The following CSGALNACT1 variants were observed in gnomAD, a reference collection of about 807,000 sequenced individuals.
The protein encoded by CSGALNACT1 is chondroitin sulfate N-acetylgalactosaminyltransferase 1, also known as beta4GalNAcT-1.
In CSGALNACT1, 52 loss-of-function variants were observed where a neutral mutation model predicts 51.0. The observed-to-expected ratio is 1.02, with a 90% CI of 0.82 to 1.29. The LOEUF (loss-of-function observed/expected upper bound fraction) is 1.29, where lower values mean the gene tolerates loss of function less well. CSGALNACT1 is among the 50% of genes most tolerant of loss of function. The pLI, the probability that CSGALNACT1 is intolerant of heterozygous loss-of-function variation, is 0.00. For missense variants in CSGALNACT1, 935 were observed against 679.2 expected, an observed-to-expected ratio of 1.38 and a Z score of -4.19; for synonymous variants, 341 against 254.4, an observed-to-expected ratio of 1.34 and a Z score of -3.24.
intron 1 of CSGALNACT1, among the ~76,000 whole-genome samples, chr8:19,666,394 C>T (rs1211665951): frequency 6.6e-6 from 1 of 152,138 alleles, no homozygotes; most frequent in Admixed American, 6.5e-5. Flanking sequence ...TCACCCAATT[C>T]ATCTATTAAC....
chr8:19,711,701 T>C (rs1050862575), intron 1 of CSGALNACT1, among the ~76,000 whole-genome samples: 4 of 152,148 alleles, frequency 2.6e-5, no homozygotes, highest in African/African-American at 9.7e-5. Context: ...CAATATGACA[T>C]CTCACAGGTG....
At chr8:19,743,599 G>A (rs1336223555) in intron 1 of CSGALNACT1, among the ~76,000 whole-genome samples, 1 of 152,178 alleles carries the variant, frequency 6.6e-6, no homozygotes, top group African/African-American at 2.4e-5. Flanking sequence ...TCACCACATG[G>A]ACTTTCAGTG....
At chr8:19,429,797 T>G (rs2059372487) in intron 6 of CSGALNACT1, among the ~76,000 whole-genome samples, 1 of 152,252 alleles carries the variant, frequency 6.6e-6, no homozygotes, top group Admixed American at 6.5e-5. Flanking sequence ...TGTAAGGAAC[T>G]GCCACACTGT....
chr8:19,752,364 G>C (rs529989187), intron 1 of CSGALNACT1, among the ~76,000 whole-genome samples: 7 of 152,176 alleles, frequency 4.6e-5, no homozygotes, highest in Non-Finnish European at 1.0e-4. Flanking sequence ...CTGTTGACCA[G>C]GCTGAGCACC....
intron 1 of CSGALNACT1, among the ~76,000 whole-genome samples, chr8:19,612,946 GAAAAAAAAAAAAAAAA>G (rs1165754811): frequency 0.058 from 893 of 15,502 alleles, 36 homozygotes; most frequent in African/African-American, 0.11. Context: ...AAAGCAGCTG[GAAAAAAAAAAAAAAAA>G]AAAAAAAAAA....
intron 2 of CSGALNACT1, among the ~76,000 whole-genome samples, chr8:19,596,427 G>C (rs2048915255): frequency 6.6e-6 from 1 of 152,014 alleles, no homozygotes; most frequent in Non-Finnish European, 1.5e-5. Context: ...CTCTGCTTGT[G>C]ACAGAACAAA....
At chr8:19,545,528 A>G (rs1343710939) in intron 3 of CSGALNACT1, among the ~76,000 whole-genome samples, 1 of 152,148 alleles carries the variant, frequency 6.6e-6, no homozygotes, top group Non-Finnish European at 1.5e-5. Context: ...GTGTCCTGAT[A>G]GCAAAGACTC....
chr8:19,425,364 C>T (rs1434531853), intron 6 of CSGALNACT1, among the ~76,000 whole-genome samples: 4 of 152,154 alleles, frequency 2.6e-5, no homozygotes, highest in Admixed American at 6.5e-5. Flanking sequence ...AACCAAAAAA[C>T]CATTTTCCTG....
At chr8:19,734,377 G>A (rs888496304) in intron 1 of CSGALNACT1, among the ~76,000 whole-genome samples, 40 of 152,202 alleles carry the variant, frequency 2.6e-4, no homozygotes, top group African/African-American at 9.4e-4. Context: ...GGCTGCCAAT[G>A]AATCAGATCA....
chr8:19,625,826 T>C (rs1000718262), intron 1 of CSGALNACT1, among the ~76,000 whole-genome samples: 1 of 152,180 alleles, frequency 6.6e-6, no homozygotes, highest in Non-Finnish European at 1.5e-5. Flanking sequence ...CCAGTTAGTT[T>C]CCTGGGTAAT....
intron 8 of CSGALNACT1, among the ~76,000 whole-genome samples, 178 bp downstream of exon 7, chr8:19,418,478 C>T (rs1272185242): frequency 6.6e-6 from 1 of 152,182 alleles, no homozygotes; most frequent in Non-Finnish European, 1.5e-5. Flanking sequence ...TTAAATATTG[C>T]AAGCACTTTT....
Position 19,491,085 on chromosome 8 carries a change from GAA to G in CSGALNACT1, c.634+14114_634+14115del, listed in dbSNP as rs33960553. ...CATCACTCATAATTCTACCACTCAGGAAAAAAAAAAAAACCAATGCTTTGCTA... is the reference window on the plus strand; with the variant it reads ...CATCACTCATAATTCTACCACTCAGGAAAAAAAAAAACCAATGCTTTGCTA... On this transcript the variant is annotated intron_variant, in intron 4 of 9. Transcript: ENST00000454498. Among the ~76,000 whole-genome samples, 1,250 of 146,866 alleles carry G rather than the reference GAA, an allele frequency of 8.5e-3. 13 individuals are homozygous for G. The highest frequency in any genetic ancestry group is 0.043 in the Middle Eastern group (12 of 282).
intron 1 of CSGALNACT1, among the ~76,000 whole-genome samples, chr8:19,718,892 C>CCCCATCA (rs1461984885): frequency 6.6e-6 from 1 of 152,190 alleles, no homozygotes; most frequent in Non-Finnish European, 1.5e-5. Context: ...AACCCAAATT[C>CCCCATCA]CCCATCATGC....
At chr8:19,431,307 TG>T (rs993847649) in intron 6 of CSGALNACT1, among the ~76,000 whole-genome samples, 1 of 152,142 alleles carries the variant, frequency 6.6e-6, no homozygotes, top group African/African-American at 2.4e-5. Flanking sequence ...GATGGTTTTT[TG>T]TATGTGTCCT....
intron 8 of CSGALNACT1, among the ~76,000 whole-genome samples, chr8:19,410,332 A>C (rs1013032164): frequency 2.6e-5 from 4 of 152,226 alleles, no homozygotes. Context: ...CAAAGTCTGG[A>C]AAAGTCTCCA....
intron 6 of CSGALNACT1, among the ~76,000 whole-genome samples, chr8:19,428,825 A>ATATGTGTGTGTG (rs1263429048): frequency 2.1e-5 from 3 of 143,464 alleles, no homozygotes; most frequent in Admixed American, 6.9e-5. Context: ...AAGACATGAT[A>ATATGTGTGTGTG]TGTGTGTGTG....
intron 4 of CSGALNACT1, among the ~76,000 whole-genome samples, chr8:19,492,230 C>T (rs1432227937): frequency 6.6e-6 from 1 of 152,152 alleles, no homozygotes; most frequent in Admixed American, 6.5e-5. Context: ...AGCACACAGC[C>T]CTCACAATGA....
intron 3 of CSGALNACT1, among the ~76,000 whole-genome samples, chr8:19,518,491 C>T (rs564741143): frequency 1.3e-5 from 2 of 152,172 alleles, no homozygotes; most frequent in Admixed American, 1.3e-4. Flanking sequence ...AAACATCATA[C>T]CTGATCAAAC....
intron 1 of CSGALNACT1, among the ~76,000 whole-genome samples, chr8:19,629,084 T>C (rs2054849856): frequency 6.6e-6 from 1 of 152,186 alleles, no homozygotes; most frequent in African/African-American, 2.4e-5. Context: ...GTCCAAGTAA[T>C]TGGAGTTATT....
Sources: gnomAD v4.1 joint callset for allele counts (sites outside exome capture counted in the v4.1 genomes callset) on GRCh38, gnomAD v4.1.1 for gene constraint, MANE v1.5 for transcripts, NCBI Gene and HGNC (gene_info 2026-07-23, HGNC 2026-07-21) for gene names.